The following CSMD1 variants were observed in gnomAD, a reference collection of about 807,000 sequenced individuals.
The protein encoded by CSMD1 is CUB and sushi domain-containing protein 1.
Under a neutral mutation model 417.5 loss-of-function variants are expected in CSMD1, and 213 were observed. That is an observed-to-expected ratio of 0.51 (90% confidence interval 0.46 to 0.57). CSMD1 has a LOEUF of 0.57. Among genes scored for constraint, CSMD1 ranks in the 20% least tolerant of loss-of-function variants. The pLI is 0.00. For synonymous variants in CSMD1, 2,862 were observed against 1,736.8 expected (o/e 1.65, Z -16.11); for missense variants, 6,923 against 4,529.7 (o/e 1.53, Z -15.17).
At chr8:4,816,472 C>T (rs1799215248) in intron 1 of CSMD1, among the ~76,000 whole-genome samples, 2 of 152,102 alleles carry the variant, frequency 1.3e-5, no homozygotes, top group South Asian at 4.1e-4. Flanking sequence ...AAGTGATCCA[C>T]CCTCCTCAGG....
chr8:3,335,970 G>C (rs1430115246), intron 23 of CSMD1, among the ~76,000 whole-genome samples: 1 of 152,018 alleles, frequency 6.6e-6, no homozygotes, highest in Non-Finnish European at 1.5e-5. Context: ...TTTTATTTTG[G>C]GCTAATTTAC....
chr8:3,118,348 T>A, intron 42 of CSMD1, 51 bp downstream of exon 42: 1 of 1,220,984 alleles, frequency 8.2e-7, no homozygotes, highest in Non-Finnish European at 1.2e-6. Context: ...TTTAATGTGC[T>A]ATTATGCCCA....
At chr8:3,711,696 C>T (rs896653157) in intron 6 of CSMD1, among the ~76,000 whole-genome samples, 4 of 152,156 alleles carry the variant, frequency 2.6e-5, no homozygotes, top group African/African-American at 9.7e-5. Context: ...CTCAGAAGTC[C>T]TCTGCCAGCT....
At chr8:3,971,442 T>A (rs1563268935) in intron 5 of CSMD1, among the ~76,000 whole-genome samples, 1 of 152,184 alleles carries the variant, frequency 6.6e-6, no homozygotes, top group South Asian at 2.1e-4. Flanking sequence ...TCTATAAGCT[T>A]TGGGATTCGA....
At chr8:4,175,104 G>A (rs933149350) in intron 3 of CSMD1, among the ~76,000 whole-genome samples, 1 of 151,828 alleles carries the variant, frequency 6.6e-6, no homozygotes, top group Admixed American at 6.6e-5. Context: ...ACAAATTTCT[G>A]CCAAGAATAA....
chr8:3,590,134 A>G (rs1800784270), intron 8 of CSMD1, among the ~76,000 whole-genome samples: 1 of 152,166 alleles, frequency 6.6e-6, no homozygotes, highest in African/African-American at 2.4e-5. Flanking sequence ...GAAAAAGAAA[A>G]AAGGACAATA....
At chr8:4,242,231 G>C (rs1351203189) in intron 3 of CSMD1, among the ~76,000 whole-genome samples, 3 of 152,076 alleles carry the variant, frequency 2.0e-5, no homozygotes, top group Admixed American at 1.3e-4. Context: ...AATTAGATAA[G>C]AAATTTGCCA....
Position 4,748,406 on chromosome 8 carries a change from A to C in CSMD1, c.86-110848T>G, listed in dbSNP as rs995101530. On this transcript the variant is annotated intron_variant, in intron 1 of 69. Coordinates refer to ENST00000635120, the MANE Select transcript of CSMD1 (RefSeq NM_033225.6). ...ATACTTTTTAAATCTGAAACTAAGG[A>C]AGTCACATTTTATTTGCTGCTGCAG... is the stretch of plus-strand genomic sequence containing the variant. Among the ~76,000 whole-genome samples, 29 of 152,232 alleles carry C rather than the reference A, an allele frequency of 1.9e-4. 1 individual carries two copies. The highest frequency in any genetic ancestry group is 1.9e-3 in the Admixed American group (29 of 15,282).
intron 2 of CSMD1, among the ~76,000 whole-genome samples, chr8:4,567,541 T>G (rs1798671722): frequency 6.6e-6 from 1 of 152,172 alleles, no homozygotes; most frequent in African/African-American, 2.4e-5. Context: ...AAAACAGACC[T>G]TTATTTCTTC....
chr8:4,298,765 G>A (rs920221313), intron 3 of CSMD1, among the ~76,000 whole-genome samples: 2 of 151,884 alleles, frequency 1.3e-5, no homozygotes, highest in Non-Finnish European at 1.5e-5. Context: ...TGATATTTGT[G>A]CTTTTGAATA....
At chr8:4,600,025 G>A (rs189062922) in intron 2 of CSMD1, among the ~76,000 whole-genome samples, 15 of 152,250 alleles carry the variant, frequency 9.9e-5, no homozygotes, top group Admixed American at 6.5e-4. Context: ...GTTGGTTACC[G>A]CAGAACAGAT....
At chr8:3,547,798 A>G (rs1310680182) in intron 10 of CSMD1, among the ~76,000 whole-genome samples, 1 of 152,196 alleles carries the variant, frequency 6.6e-6, no homozygotes, top group Non-Finnish European at 1.5e-5. Context: ...AGATTTATGA[A>G]AAGAAAATAA....
chr8:4,579,282 T>A (rs1413363783), intron 2 of CSMD1, among the ~76,000 whole-genome samples: 1 of 151,244 alleles, frequency 6.6e-6, no homozygotes, highest in Non-Finnish European at 1.5e-5. Flanking sequence ...TATATATGTA[T>A]ATATATAAAA....
intron 7 of CSMD1, among the ~76,000 whole-genome samples, chr8:3,675,745 G>C (rs543019934): frequency 5.3e-5 from 8 of 152,158 alleles, no homozygotes; most frequent in Non-Finnish European, 1.2e-4. Flanking sequence ...TGGACTTCCA[G>C]TCTCAAAACT....
intron 26 of CSMD1, among the ~76,000 whole-genome samples, chr8:3,261,687 C>T (rs1801069201): frequency 6.6e-6 from 1 of 152,032 alleles, no homozygotes; most frequent in Non-Finnish European, 1.5e-5. Flanking sequence ...GCCCTGGATT[C>T]ATGCAACAAG....
At chr8:4,833,610 G>T (rs911171220) in intron 1 of CSMD1, among the ~76,000 whole-genome samples, 1 of 152,132 alleles carries the variant, frequency 6.6e-6, no homozygotes, top group Non-Finnish European at 1.5e-5. Flanking sequence ...TGAAAGCAAG[G>T]ACTTTCTCCG....
chr8:4,988,164 T>A (rs1210035949), intron 1 of CSMD1, among the ~76,000 whole-genome samples: 1 of 152,246 alleles, frequency 6.6e-6, no homozygotes, highest in Non-Finnish European at 1.5e-5. Context: ...CTTGATCTCA[T>A]GTCTATTATA....
chr8:4,451,059 A>G (rs1799113513), intron 2 of CSMD1, among the ~76,000 whole-genome samples: 1 of 152,178 alleles, frequency 6.6e-6, no homozygotes, highest in Non-Finnish European at 1.5e-5. Context: ...TGCACTGCTC[A>G]TTCAATAAGT....
chr8:3,963,662 T>C (rs897593982), intron 5 of CSMD1, among the ~76,000 whole-genome samples: 1 of 152,248 alleles, frequency 6.6e-6, no homozygotes, highest in East Asian at 1.9e-4. Context: ...TATGTGCGTA[T>C]GATTTTGTAT....
Sources: allele counts gnomAD v4.1 joint callset (sites outside exome capture counted in the v4.1 genomes callset), GRCh38; gene constraint gnomAD v4.1.1; transcripts MANE v1.5; gene names NCBI Gene and HGNC (gene_info 2026-07-23, HGNC 2026-07-21).